Variants in CLDN14 observed in about 807,000 individuals in gnomAD.
CLDN14 encodes claudin-14.
Under a neutral mutation model 2.1 loss-of-function variants are expected in CLDN14, and 2 were observed. The ratio of observed to expected loss-of-function variants is 0.96; its 90% CI spans 0.39 to 3.01. The LOEUF (loss-of-function observed/expected upper bound fraction) is 3.01, where lower values mean the gene tolerates loss of function less well. Among genes scored for constraint, CLDN14 ranks in the 30% most tolerant of loss-of-function variants. CLDN14 has a pLI of 0.09. For missense variants in CLDN14, 298 were observed against 328.0 expected (o/e 0.91, Z 0.71); for synonymous variants, 136 against 154.4 (o/e 0.88, Z 0.88).
At chr21:36,488,727 T>C (rs531439864) in intron 2 of CLDN14, among the ~76,000 whole-genome samples, 28 of 151,960 alleles carry the variant, frequency 1.8e-4, no homozygotes, top group Non-Finnish European at 2.6e-4. Context: ...CGGAGAGGGA[T>C]GGTGGTGGAT....
chr21:36,575,930 G>A (rs139137064), intron 1 of CLDN14, among the ~76,000 whole-genome samples: 160 of 152,258 alleles, frequency 1.1e-3, no homozygotes, highest in African/African-American at 3.1e-3. Flanking sequence ...AGTGACTCCC[G>A]AAGACCCTCG....
intron 2 of CLDN14, among the ~76,000 whole-genome samples, chr21:36,489,113 C>G (rs1371023004): frequency 8.0e-5 from 1 of 12,516 alleles, no homozygotes; most frequent in Non-Finnish European, 1.6e-4. Context: ...GAGTCTGTCT[C>G]AAAGAAAAAA....
chr21:36,570,044 G>A (rs556241332), intron 1 of CLDN14, among the ~76,000 whole-genome samples: 36 of 152,284 alleles, frequency 2.4e-4, no homozygotes, highest in African/African-American at 8.4e-4. Flanking sequence ...GGAGACACGA[G>A]ACATCTATTA....
At chr21:36,540,358 T>C (rs1248671016) in intron 1 of CLDN14, among the ~76,000 whole-genome samples, 1 of 152,204 alleles carries the variant, frequency 6.6e-6, no homozygotes, top group Non-Finnish European at 1.5e-5. Flanking sequence ...TTATTTGTAT[T>C]GTTTTTTATT....
At chr21:36,519,157 T>A (rs73902562) in intron 1 of CLDN14, among the ~76,000 whole-genome samples, 8,037 of 152,308 alleles carry the variant, frequency 0.053, 605 homozygotes, top group African/African-American at 0.16. Context: ...TGGATGTAGC[T>A]AATTATTTTC....
chr21:36,511,985 A>G (rs973290768), intron 1 of CLDN14, among the ~76,000 whole-genome samples: 5 of 152,298 alleles, frequency 3.3e-5, no homozygotes, highest in African/African-American at 1.2e-4. Context: ...CATGTGGGTA[A>G]CTGTTCCAGC....
intron 1 of CLDN14, among the ~76,000 whole-genome samples, chr21:36,462,964 T>C (rs1420111671): frequency 7.7e-6 from 1 of 129,182 alleles, no homozygotes; most frequent in Non-Finnish European, 1.6e-5. Flanking sequence ...CTAGGAAATA[T>C]AGAAGGAAGG....
At chr21:36,568,313 CT>C (rs753103010) in intron 1 of CLDN14, among the ~76,000 whole-genome samples, 2 of 152,172 alleles carry the variant, frequency 1.3e-5, no homozygotes, top group East Asian at 3.8e-4. Flanking sequence ...CCTTGCCCCA[CT>C]TTAGGGTCCA....
chr21:36,535,827 A>C (rs1427221861), intron 1 of CLDN14, among the ~76,000 whole-genome samples: 2 of 152,232 alleles, frequency 1.3e-5, no homozygotes. Context: ...ATGTTTTGGC[A>C]GCACTTTCTG....
intron 1 of CLDN14, among the ~76,000 whole-genome samples, chr21:36,569,762 C>A (rs1272338040): frequency 2.6e-5 from 4 of 152,198 alleles, no homozygotes; most frequent in Non-Finnish European, 5.9e-5. Context: ...AGCCTCCCAA[C>A]CCAAGCATCA....
intron 1 of CLDN14, among the ~76,000 whole-genome samples, chr21:36,531,125 G>A (rs1157998339): frequency 6.6e-6 from 1 of 151,982 alleles, no homozygotes; most frequent in Non-Finnish European, 1.5e-5. Flanking sequence ...CTACTCAGGA[G>A]GCCGAGGCAG....
Position 36,557,935 on chromosome 21 carries a change from A to G in CLDN14, c.-220+18476T>C, listed in dbSNP as rs190649644. The stretch of plus-strand genomic sequence containing the variant: ...CAGGTCTTAGGTTAATCTTTAATCT[A>G]TTTTGAGTTGATTTGTGTGTATGGT... On this transcript the variant is annotated intron_variant, in intron 1 of 2. Coordinates refer to the CLDN14 transcript ENST00000342108. Among the ~76,000 whole-genome samples, 15 of 152,282 alleles carry G rather than the reference A, an allele frequency of 9.9e-5. No homozygotes were observed. The East Asian group carries it at 2.7e-3, about 27-fold the overall frequency.
At position 36,530,530 on chromosome 21, in the gene CLDN14, A is replaced by C. The variant is rs73374414; in HGVS notation, c.-219-20030T>G. Among the ~76,000 whole-genome samples the C allele has an allele frequency of 9.8e-3, 1,496 of 152,298 alleles. 27 individuals are homozygous for C. The highest frequency in any genetic ancestry group is 0.034 in the African/African-American group (1,428 of 41,516). On this transcript the variant is annotated intron_variant, in intron 1 of 2. Transcript: ENST00000342108. The stretch of plus-strand genomic sequence containing the variant: ...AGGAGGTCTCTGTCTTTCTAGAGAT[A>C]GTCTGGTAGATGAGACAGATGTGGA...
upstream of CLDN14, among the ~76,000 whole-genome samples, chr21:36,481,507 G>A (rs2086844656): frequency 6.6e-6 from 1 of 152,098 alleles, no homozygotes; most frequent in South Asian, 2.1e-4. Context: ...TTGATTTCTT[G>A]GCATTCGTTG....
At chr21:36,501,659 C>G (rs8128673) in intron 2 of CLDN14, among the ~76,000 whole-genome samples, 1 of 152,070 alleles carries the variant, frequency 6.6e-6, no homozygotes, top group Non-Finnish European at 1.5e-5. Context: ...TACGCCACCC[C>G]CTGTCTCCAA....
intron 1 of CLDN14, among the ~76,000 whole-genome samples, chr21:36,478,642 C>T (rs182983686): frequency 2.6e-5 from 4 of 152,278 alleles, no homozygotes; most frequent in African/African-American, 7.2e-5. Flanking sequence ...TGGAAGCACA[C>T]GATGATGAAC....
chr21:36,506,408 C>T (rs2087133013), intron 2 of CLDN14, among the ~76,000 whole-genome samples: 1 of 151,834 alleles, frequency 6.6e-6, no homozygotes, highest in Non-Finnish European at 1.5e-5. Context: ...ACCAGCCTGA[C>T]CAGCATGGCA....
intron 1 of CLDN14, among the ~76,000 whole-genome samples, chr21:36,574,945 T>C (rs974987582): frequency 1.3e-5 from 2 of 152,198 alleles, no homozygotes; most frequent in Admixed American, 6.5e-5. Flanking sequence ...CCCTGCATCT[T>C]TAGATACTGG....
intron 2 of CLDN14, chr21:36,486,142 A>C (rs761474128): frequency 2.1e-5 from 27 of 1,283,616 alleles, no homozygotes; most frequent in Non-Finnish European, 3.1e-5. Flanking sequence ...TCACGTCGTA[A>C]TCATCCTCCT....
Sources: allele counts gnomAD v4.1 joint callset (sites outside exome capture counted in the v4.1 genomes callset), GRCh38; gene constraint gnomAD v4.1.1; transcripts MANE v1.5; gene names NCBI Gene and HGNC (gene_info 2026-07-23, HGNC 2026-07-21).